Variants in SEL1L2 observed in about 807,000 individuals in gnomAD.
The protein encoded by SEL1L2 is SEL1L2 adaptor subunit of SYVN1 ubiquitin ligase.
SEL1L2 carries 89 observed loss-of-function variants against 98.8 expected under a neutral mutation model. That is an observed-to-expected ratio of 0.90 (90% confidence interval 0.76 to 1.07). The LOEUF is 1.07. Ranked by LOEUF, SEL1L2 falls within the 50% of genes least tolerant of loss-of-function variation. The pLI is 0.00. For synonymous variants in SEL1L2, 262 were observed against 278.5 expected (o/e 0.94, Z 0.59); for missense variants, 788 against 812.0 (o/e 0.97, Z 0.36).
At chr20:13,937,299 T>A (rs1037747084) in intron 2 of SEL1L2, among the ~76,000 whole-genome samples, 10 of 152,146 alleles carry the variant, frequency 6.6e-5, no homozygotes, top group African/African-American at 2.4e-4. Context: ...CCTCGGAGAA[T>A]CTCCAACCCG....
chr20:13,886,500 G>C, intron 8 of SEL1L2, 58 bp from the exon 9 acceptor site: 1 of 1,445,262 alleles, frequency 6.9e-7, no homozygotes, highest in Non-Finnish European at 9.6e-7. Flanking sequence ...AGAGATAACA[G>C]TCAATTTAGA....
rs559664995 is a variant in SEL1L2, at chr20:13,989,888, A to T, written c.58+589T>A. 3.3e-5 allele frequency among the ~76,000 whole-genome samples: 5 copies of T among 152,284 alleles called. No homozygotes were observed. In the South Asian group the frequency reaches 1.0e-3, roughly 32 times the overall value. On this transcript the variant is annotated intron_variant, in intron 1 of 19. Transcript: ENST00000284951. Reference sequence around the variant, plus strand: ...AGTGCTGAATTCTAACCACTAGACAAGCAGGGACCAAATACATATTTCTTA... The same window carrying T: ...AGTGCTGAATTCTAACCACTAGACATGCAGGGACCAAATACATATTTCTTA...
chr20:13,945,129 G>T (rs1202461653), intron 2 of SEL1L2, among the ~76,000 whole-genome samples: 1 of 152,122 alleles, frequency 6.6e-6, no homozygotes, highest in Non-Finnish European at 1.5e-5. Flanking sequence ...TAACTAAATG[G>T]AAGATCTATA....
chr20:13,851,610 G>A (rs1240604769), intron 18 of SEL1L2, among the ~76,000 whole-genome samples: 1 of 148,572 alleles, frequency 6.7e-6, no homozygotes, highest in Non-Finnish European at 1.5e-5. Flanking sequence ...TTTATGTGTT[G>A]CTTTATTTTT....
intron 1 of SEL1L2, among the ~76,000 whole-genome samples, chr20:13,975,585 C>T (rs893767453): frequency 3.3e-5 from 5 of 152,180 alleles, no homozygotes; most frequent in African/African-American, 9.6e-5. Context: ...ACCTACTCCA[C>T]AGGTTTTGGG....
intron 3 of SEL1L2, among the ~76,000 whole-genome samples, chr20:13,929,830 G>A (rs576075715): frequency 7.3e-5 from 11 of 151,310 alleles, no homozygotes; most frequent in Non-Finnish European, 1.3e-4. Context: ...TCCCTCTGTC[G>A]CCCAGGCTGG....
intron 4 of SEL1L2, chr20:13,915,275 G>A: frequency 7.9e-7 from 1 of 1,269,002 alleles, no homozygotes; most frequent in African/African-American, 1.5e-5. Flanking sequence ...GTACTCCAGT[G>A]GAACAAAAAG....
chr20:13,967,746 C>T (rs998969053), intron 1 of SEL1L2, among the ~76,000 whole-genome samples: 28 of 146,030 alleles, frequency 1.9e-4, no homozygotes, highest in Non-Finnish European at 3.2e-4. Context: ...AAGAGGGTGA[C>T]GGGTATTATT....
chr20:13,904,787 C>T (rs13042614), intron 5 of SEL1L2, among the ~76,000 whole-genome samples: 29,085 of 152,076 alleles, frequency 0.19, 3,604 homozygotes, highest in Non-Finnish European at 0.26. Context: ...TGATTCTGCT[C>T]AATTTAGAAT....
At chr20:13,912,459 G>A (rs2148182605) in intron 5 of SEL1L2, among the ~76,000 whole-genome samples, 1 of 152,156 alleles carries the variant, frequency 6.6e-6, no homozygotes, top group East Asian at 1.9e-4. Context: ...ATGACGCCCA[G>A]CTAATTTTTG....
intron 13 of SEL1L2, 127 bp downstream of exon 13, chr20:13,870,014 C>T: frequency 4.5e-6 from 3 of 663,314 alleles, no homozygotes; most frequent in South Asian, 4.1e-5. Context: ...ATTTTATTCT[C>T]TATTATCTGA....
At chr20:13,967,793 C>T (rs191758683) in intron 1 of SEL1L2, among the ~76,000 whole-genome samples, 48 of 152,224 alleles carry the variant, frequency 3.2e-4, no homozygotes, top group Non-Finnish European at 4.9e-4. Context: ...CACCTTGGTT[C>T]CCTAGAGAGC....
chr20:13,877,007 A>C lies in SEL1L2; in HGVS notation c.1026+513T>G, dbSNP rs1366308960. On this transcript the variant is annotated intron_variant, in intron 11 of 19. Coordinates refer to ENST00000284951, the MANE Select transcript of SEL1L2 (RefSeq NM_025229.2). ...CCTAGCTAATTTTTGTAGTTTTAGT[A>C]GAGACGGGGGTTTCACCATGTTGGC... Among the ~76,000 whole-genome samples the C allele has an allele frequency of 7.2e-5, 11 of 152,140 alleles. No individual in the cohort carries two copies. The East Asian group carries it at 9.7e-4, about 13-fold the overall frequency.
intron 5 of SEL1L2, among the ~76,000 whole-genome samples, chr20:13,912,292 A>ATTTTTTTT (rs11478603): frequency 9.0e-6 from 1 of 111,330 alleles, no homozygotes; most frequent in Non-Finnish European, 1.8e-5. Context: ...TTTCTGTGGG[A>ATTTTTTTT]TTTTTTTTTT....
intron 17 of SEL1L2, among the ~76,000 whole-genome samples, 153 bp from the exon 18 acceptor site, chr20:13,859,587 G>A (rs2147767362): frequency 6.6e-6 from 1 of 152,268 alleles, no homozygotes; most frequent in African/African-American, 2.4e-5. Context: ...CAGAACCCCA[G>A]AACTGGAATT....
intron 1 of SEL1L2, among the ~76,000 whole-genome samples, chr20:13,961,864 T>A (rs771455722): frequency 2.0e-5 from 3 of 152,200 alleles, no homozygotes; most frequent in Non-Finnish European, 4.4e-5. Context: ...CAAATTGCCA[T>A]GGACCAGTGA....
chr20:13,920,253 A>C (rs1453631492), intron 3 of SEL1L2, among the ~76,000 whole-genome samples: 2 of 144,642 alleles, frequency 1.4e-5, no homozygotes, highest in African/African-American at 2.5e-5. Context: ...AAAAAATTCT[A>C]CCTAAGGCTT....
Position 13,956,081 on chromosome 20 carries a change from TG to T in SEL1L2, c.108del (p.Thr37HisfsTer5). The T allele has an allele frequency of 6.4e-7, 1 of 1,559,378 alleles. No individual in the cohort carries two copies. Among genetic ancestry groups the T allele is most frequent in the Non-Finnish European group, 8.8e-7 (1 of 1,142,204 alleles). On this transcript the variant is annotated frameshift_variant, in exon 2 of 20. Coordinates refer to ENST00000284951, the MANE Select transcript of SEL1L2 (RefSeq NM_025229.2). LOFTEE classifies it high-confidence loss of function. Reference protein sequence around the residue: ...HNKRQKERNVTTQVSVNEIKQ... With the variant: ...HNKRQKERNVXTQVSVNEIKQ... ...AGATTTAGCAAAATATTTACCTGTG[TG>T]GTGACATTTCTTTCCTTTTGTCTTT...
intron 1 of SEL1L2, among the ~76,000 whole-genome samples, chr20:13,956,745 T>C (rs950333159): frequency 1.8e-4 from 28 of 152,166 alleles, no homozygotes; most frequent in African/African-American, 6.8e-4. Context: ...TTGGCATATT[T>C]ATTTTTGCAC....
Sources: gnomAD v4.1 joint callset for allele counts (sites outside exome capture counted in the v4.1 genomes callset) on GRCh38, gnomAD v4.1.1 for gene constraint, MANE v1.5 for transcripts, NCBI Gene and HGNC (gene_info 2026-07-23, HGNC 2026-07-21) for gene names.